PHLDB2: variants seen among roughly 807,000 people sequenced by gnomAD.
PHLDB2 encodes pleckstrin homology-like domain family B member 2.
Under a neutral mutation model 123.6 loss-of-function variants are expected in PHLDB2, and 71 were observed. The observed-to-expected ratio is 0.57, with a 90% CI of 0.47 to 0.70. The LOEUF is 0.70. Among genes scored for constraint, PHLDB2 ranks in the 30% least tolerant of loss-of-function variants. The pLI is 0.00. For synonymous variants in PHLDB2, 547 were observed against 541.6 expected (o/e 1.01, Z -0.14); for missense variants, 1,446 against 1,519.5 (o/e 0.95, Z 0.80).
At chr3:111,805,874 GA>G (rs1226020860) in intron 1 of PHLDB2, among the ~76,000 whole-genome samples, 1 of 146,216 alleles carries the variant, frequency 6.8e-6, no homozygotes, top group Admixed American at 6.9e-5. Context: ...GAAGAAAAAA[GA>G]AAAGATACAA....
intron 1 of PHLDB2, among the ~76,000 whole-genome samples, chr3:111,808,871 C>A (rs1399728159): frequency 2.0e-5 from 3 of 152,126 alleles, no homozygotes; most frequent in South Asian, 2.1e-4. Flanking sequence ...TAATAAAGAG[C>A]AAATTCTTTA....
intron 3 of PHLDB2, among the ~76,000 whole-genome samples, chr3:111,918,100 T>TA (rs1369445963): frequency 6.6e-6 from 1 of 152,234 alleles, no homozygotes; most frequent in Admixed American, 6.5e-5. Context: ...TACCAGGTGA[T>TA]ATCCAAGATA....
intron 7 of PHLDB2, 36 bp from the exon 8 acceptor site, chr3:111,940,499 A>T: frequency 7.8e-7 from 1 of 1,285,108 alleles, no homozygotes; most frequent in Non-Finnish European, 1.1e-6. Context: ...TGAGTGTCTA[A>T]TGTACATCTT....
intron 1 of PHLDB2, among the ~76,000 whole-genome samples, chr3:111,795,760 C>T (rs13072118): frequency 0.54 from 81,458 of 151,894 alleles, 24,559 homozygotes; most frequent in Middle Eastern, 0.69. Flanking sequence ...AGTCTTGCTC[C>T]GTCACCCAGG....
At position 111,973,816 on chromosome 3, in the gene PHLDB2, AG is replaced by A; in HGVS notation, c.3621+1del. ...TATGATCACCTCAAGAATGCTAATA[AG>A]GTAAACATCAGTTTTCTAAATTCCT... is the stretch of plus-strand genomic sequence containing the variant. Reference protein sequence around the residue: ...VYYDHLKNANKSPNPLLTFSV... With the variant: ...VYYDHLKNANXSPNPLLTFSV... On this transcript the variant is annotated frameshift_variant and splice_region_variant, in exon 17 of 18. Coordinates refer to ENST00000431670, the MANE Select transcript of PHLDB2 (RefSeq NM_001134438.2). LOFTEE classifies it high-confidence loss of function. 6.4e-7 allele frequency: 1 copy of A among 1,552,184 alleles called. No individual in the cohort carries two copies. Among genetic ancestry groups the A allele is most frequent in the South Asian group, 1.2e-5 (1 of 85,926 alleles).
At chr3:111,954,089 G>A in intron 12 of PHLDB2, 60 bp downstream of exon 12, 1 of 1,481,192 alleles carries the variant, frequency 6.8e-7, no homozygotes. Context: ...TTCTTCAGGG[G>A]GAGGAAGTGA....
At position 111,885,094 on chromosome 3, in the gene PHLDB2, G is replaced by A. The variant is rs2066090720; in HGVS notation, c.1017G>A (p.Arg339=). 6.2e-7 allele frequency: 1 copy of A among 1,614,118 alleles called. No individual in the cohort carries two copies. The highest frequency in any genetic ancestry group is 1.7e-5 in the Admixed American group (1 of 60,014). Residue 339 remains arginine (R), a synonymous_variant, in exon 2 of 18, where the codon CGG becomes CGA. Transcript: ENST00000431670. ...LSVPASPRVA[R]KMLLASTSSC... ...TCCCTGCCAGTCCACGAGTGGCTCG[G>A]AAGATGCTTCTGGCCTCCACCTCCT...
upstream of PHLDB2, among the ~76,000 whole-genome samples, chr3:111,858,252 A>G (rs1398863078): frequency 6.6e-6 from 1 of 152,076 alleles, no homozygotes; most frequent in African/African-American, 2.4e-5. Flanking sequence ...GAGTTGAACA[A>G]TGAGAACATA....
intron 1 of PHLDB2, among the ~76,000 whole-genome samples, chr3:111,734,414 C>CA (rs1472838497): frequency 6.6e-6 from 1 of 152,016 alleles, no homozygotes; most frequent in Non-Finnish European, 1.5e-5. Flanking sequence ...TCTGTCTCTA[C>CA]AAAAAATTTT....
intron 1 of PHLDB2, chr3:111,860,014 T>G: frequency 2.2e-5 from 11 of 490,228 alleles, no homozygotes; most frequent in East Asian, 1.6e-4. Context: ...TGCATGACTC[T>G]CGGGGGGCTG....
chr3:111,789,868 T>C (rs1672666984), intron 1 of PHLDB2, among the ~76,000 whole-genome samples: 2 of 152,062 alleles, frequency 1.3e-5, no homozygotes, highest in Admixed American at 1.3e-4. Context: ...CAAAACTGAG[T>C]TCCTGAGAAA....
At chr3:111,933,559 A>G (rs2069266860) in intron 6 of PHLDB2, among the ~76,000 whole-genome samples, 1 of 152,200 alleles carries the variant, frequency 6.6e-6, no homozygotes, top group East Asian at 1.9e-4. Flanking sequence ...TATTTCTTAC[A>G]ATGTTGGAGC....
At chr3:111,904,280 A>AAAAAAAAAAAAAG (rs2067386992) in intron 2 of PHLDB2, among the ~76,000 whole-genome samples, 1 of 151,270 alleles carries the variant, frequency 6.6e-6, no homozygotes, top group Non-Finnish European at 1.5e-5. Context: ...CCTGTCTCAA[A>AAAAAAAAAAAAAG]AAAAAAAAAG....
At chr3:111,918,344 G>A (rs997418052) in intron 3 of PHLDB2, among the ~76,000 whole-genome samples, 4 of 152,186 alleles carry the variant, frequency 2.6e-5, no homozygotes, top group Non-Finnish European at 5.9e-5. Flanking sequence ...ATGAATGGTG[G>A]CCAGTGTCCT....
At position 111,884,245 on chromosome 3, in the gene PHLDB2, T is replaced by G. The variant is rs749937582; in HGVS notation, c.168T>G (p.Ser56=). The G allele has an allele frequency of 2.5e-6, 4 of 1,614,088 alleles. No individual in the cohort carries two copies. The highest frequency in any genetic ancestry group is 3.4e-6 in the Non-Finnish European group (4 of 1,179,900). ...GATTTAAAGCCAATGGAGACTATTC[T>G]GGCTCCTATTTAACCCTCTCACAAC... ...SLRFKANGDY[S]GSYLTLSQPV... Residue 56 remains serine (S), a synonymous_variant, in exon 2 of 18, where the codon TCT becomes TCG. Coordinates refer to ENST00000431670, the MANE Select transcript of PHLDB2 (RefSeq NM_001134438.2).
Position 111,913,975 on chromosome 3 carries a change from A to G in PHLDB2, c.1719+273A>G, listed in dbSNP as rs570117317. ...CCCTTTCAGGTTGTACACCTGAGTG[A>G]TAAGCAGGTGTAAAACTGGTGCTAA... On this transcript the variant is annotated intron_variant, in intron 3 of 17. Transcript: ENST00000431670. The G allele has an allele frequency of 3.1e-5, 13 of 413,662 alleles. No homozygotes were observed. In the South Asian group the frequency reaches 5.2e-4, roughly 17 times the overall value. The allele number at this position is 413,662 out of a possible 1,614,324, so 25.6% of individuals were successfully genotyped here. A position where few individuals can be genotyped will look rare whatever the true frequency, so the allele number is the denominator to read the frequency against.
intron 2 of PHLDB2, among the ~76,000 whole-genome samples, chr3:111,906,780 A>G (rs1409020001): frequency 6.6e-6 from 1 of 152,220 alleles, no homozygotes; most frequent in Non-Finnish European, 1.5e-5. Flanking sequence ...ACATTCTCCA[A>G]TAACTTACAG....
chr3:111,750,882 G>A (rs2059758427), intron 1 of PHLDB2, among the ~76,000 whole-genome samples: 1 of 150,610 alleles, frequency 6.6e-6, no homozygotes, highest in African/African-American at 2.4e-5. Context: ...TGAGGTGTAG[G>A]TTGCAGTGAG....
At position 111,884,786 on chromosome 3, in the gene PHLDB2, A is replaced by G. The variant is rs150557643; in HGVS notation, c.709A>G (p.Arg237Gly). The change falls in exon 2 of 18, where the codon AGA (arginine) becomes GGA (glycine). Residue 237 changes from arginine (R) to glycine (G), a missense_variant. This residue lies in a region of PHLDB2 where 832 missense variants were observed against 831.9 expected (regional missense o/e 1.00). Transcript: ENST00000431670. ...KELASENINL[R>G]TRKYSSSSLS... ...GCTTGCATCTGAAAACATCAATTTG[A>G]GAACTAGGAAGTACTCCAGCAGCAG... is the stretch of plus-strand genomic sequence containing the variant. The G allele has an allele frequency of 3.9e-4, 634 of 1,614,098 alleles. 1 individual carries two copies. The African/African-American group carries it at 7.4e-3, about 19-fold the overall frequency.
Sources: gnomAD v4.1 joint callset for allele counts (sites outside exome capture counted in the v4.1 genomes callset) on GRCh38, gnomAD v4.1.1 for gene constraint, gnomAD v4.1.1 regional missense constraint, MANE v1.5 for transcripts, NCBI Gene and HGNC (gene_info 2026-07-23, HGNC 2026-07-21) for gene names.